MMS22L: variants seen among roughly 807,000 people sequenced by gnomAD.
MMS22L encodes protein MMS22-like.
MMS22L carries 74 observed loss-of-function variants against 159.1 expected under a neutral mutation model. The observed-to-expected ratio is 0.47, with a 90% CI of 0.39 to 0.56. MMS22L has a LOEUF of 0.56. Ranked by LOEUF, MMS22L falls within the 20% of genes least tolerant of loss-of-function variation. MMS22L has a pLI of 0.00. For missense variants in MMS22L, 1,351 were observed against 1,422.1 expected, an observed-to-expected ratio of 0.95 and a Z score of 0.80; for synonymous variants, 517 against 506.9, an observed-to-expected ratio of 1.02 and a Z score of -0.27.
rs528146023 is a variant in MMS22L at position 97,147,178 on chromosome 6, G to A, written c.3651-291C>T. 7.3e-4 allele frequency among the ~76,000 whole-genome samples: 111 copies of A among 152,202 alleles called. 1 individual carries two copies. The highest frequency in any genetic ancestry group is 2.6e-3 in the African/African-American group (106 of 41,550). Reference sequence around the variant, plus strand: ...TTATAATGCTCACGGGTAATAAAATGCATTCATGGAATATTATTTAAGGAC... The same window carrying A: ...TTATAATGCTCACGGGTAATAAAATACATTCATGGAATATTATTTAAGGAC... On this transcript the variant is annotated intron_variant, in intron 24 of 24. Coordinates refer to ENST00000683635, the MANE Select transcript of MMS22L (RefSeq NM_001350599.2).
chr6:97,242,029 A>G (rs966219059), intron 11 of MMS22L, among the ~76,000 whole-genome samples: 1 of 152,162 alleles, frequency 6.6e-6, no homozygotes, highest in Non-Finnish European at 1.5e-5. Context: ...CATATGGTCT[A>G]TCTTGGAGAA....
At chr6:97,165,548 A>T (rs1201077512) in intron 20 of MMS22L, 91 bp from the exon 21 acceptor site, 3 of 1,000,804 alleles carry the variant, frequency 3.0e-6, no homozygotes, top group Non-Finnish European at 4.4e-6. Flanking sequence ...CCCAGCATTA[A>T]TAATCATGTG....
chr6:97,193,472 T>C (rs779845377), intron 14 of MMS22L, among the ~76,000 whole-genome samples: 1 of 152,234 alleles, frequency 6.6e-6, no homozygotes, highest in Admixed American at 6.5e-5. Flanking sequence ...TAGTCTTGAC[T>C]TTGTAGATGA....
intron 12 of MMS22L, among the ~76,000 whole-genome samples, chr6:97,232,772 CTCCATTATCCACAAA>C (rs1811002709): frequency 6.6e-6 from 1 of 152,052 alleles, no homozygotes. Context: ...TTTTAATAAG[CTCCATTATCCACAAA>C]TCCAAACATT....
rs1212588910 is a variant in MMS22L at position 97,228,928 on chromosome 6, A to G, written c.2005T>C (p.Leu669=). Residue 669 remains leucine (L), a synonymous_variant, in exon 14 of 25, where the codon TTG becomes CTG. Coordinates refer to ENST00000683635, the MANE Select transcript of MMS22L (RefSeq NM_001350599.2). Reference sequence around the variant, plus strand: ...GCCAGAACAGCTTGTAGGAAGCTCAATACTGTCCTAAGTTCAGATTCTCGA... The same window carrying G: ...GCCAGAACAGCTTGTAGGAAGCTCAGTACTGTCCTAAGTTCAGATTCTCGA... ...ACRESELRTV[L]SFLQAVLARI... The G allele has an allele frequency of 1.9e-6, 3 of 1,614,104 alleles. No homozygotes were observed. Among genetic ancestry groups the G allele is most frequent in the Admixed American group, 1.7e-5 (1 of 60,010 alleles).
rs570738343 is a variant in MMS22L at position 97,181,901 on chromosome 6, T to C, written c.2384+3A>G. On this transcript the variant is annotated splice_donor_region_variant and intron_variant, in intron 16 of 24. Transcript: ENST00000683635. ...TGTGTATGCCTGAAATAAAAGCACG[T>C]ACCTATTTTGTAGGACATGACTTAA... 3 of 1,611,078 alleles carry C rather than the reference T, an allele frequency of 1.9e-6. No individual in the cohort carries two copies. Among genetic ancestry groups the C allele is most frequent in the East Asian group, 2.2e-5 (1 of 44,832 alleles).
At chr6:97,212,117 TTA>T (rs1488318925) in intron 14 of MMS22L, among the ~76,000 whole-genome samples, 1 of 152,182 alleles carries the variant, frequency 6.6e-6, no homozygotes, top group Non-Finnish European at 1.5e-5. Context: ...ATTTATTTGT[TTA>T]TATGTCTACC....
intron 14 of MMS22L, among the ~76,000 whole-genome samples, chr6:97,222,436 C>T (rs1365481475): frequency 1.3e-5 from 2 of 152,030 alleles, no homozygotes; most frequent in Non-Finnish European, 2.9e-5. Flanking sequence ...TGAACTATTT[C>T]TTAGTCTCAG....
chr6:97,264,451 T>C (rs1814856329), intron 8 of MMS22L: 1 of 152,016 alleles, frequency 6.6e-6, no homozygotes, highest in African/African-American at 2.4e-5. Flanking sequence ...GCTTCTTAAA[T>C]TAATAATGTA....
At chr6:97,191,451 A>AATTAAAAAAATCTTTATT (rs1450285231) in intron 14 of MMS22L, among the ~76,000 whole-genome samples, 1 of 152,128 alleles carries the variant, frequency 6.6e-6, no homozygotes, top group Admixed American at 6.5e-5. Context: ...CTCAAAGTTT[A>AATTAAAAAAATCTTTATT]AGGAAAATTA....
intron 14 of MMS22L, among the ~76,000 whole-genome samples, chr6:97,202,463 G>A (rs1562453693): frequency 1.3e-5 from 2 of 152,160 alleles, no homozygotes; most frequent in Admixed American, 6.5e-5. Flanking sequence ...TTATGGGAGG[G>A]ATCCTATGCA....
intron 15 of MMS22L, among the ~76,000 whole-genome samples, chr6:97,185,494 G>T (rs1805131030): frequency 6.6e-6 from 1 of 152,046 alleles, no homozygotes; most frequent in African/African-American, 2.4e-5. Context: ...CTGGCAGTTG[G>T]GATGATGCAT....
At chr6:97,201,178 G>A (rs551057299) in intron 14 of MMS22L, among the ~76,000 whole-genome samples, 3 of 152,144 alleles carry the variant, frequency 2.0e-5, no homozygotes, top group Non-Finnish European at 4.4e-5. Flanking sequence ...TGTGAAAGGT[G>A]GACACAGCCT....
At chr6:97,201,398 G>A (rs1332971281) in intron 14 of MMS22L, among the ~76,000 whole-genome samples, 2 of 152,138 alleles carry the variant, frequency 1.3e-5, no homozygotes, top group African/African-American at 2.4e-5. Context: ...TGGTAATATA[G>A]ACAGTGGAGC....
chr6:97,240,502 T>TC (rs1367423570), intron 11 of MMS22L, among the ~76,000 whole-genome samples: 1 of 152,184 alleles, frequency 6.6e-6, no homozygotes, highest in African/African-American at 2.4e-5. Context: ...CCTACTTTTT[T>TC]CCCCACAACC....
At chr6:97,182,896 TCTCA>T (rs1458981590) in intron 15 of MMS22L, among the ~76,000 whole-genome samples, 2 of 152,140 alleles carry the variant, frequency 1.3e-5, no homozygotes, top group Admixed American at 6.5e-5. Flanking sequence ...CACCTCCTCC[TCTCA>T]TTCTTTGTAG....
chr6:97,230,332 T>G (rs1172378058), intron 13 of MMS22L: 1 of 150,782 alleles, frequency 6.6e-6, no homozygotes, highest in East Asian at 2.0e-4. Flanking sequence ...CTCAAACTCC[T>G]GATCTCAAGT....
At chr6:97,276,017 A>C (rs144659672) in intron 4 of MMS22L, among the ~76,000 whole-genome samples, 1 of 152,266 alleles carries the variant, frequency 6.6e-6, no homozygotes, top group East Asian at 1.9e-4. Context: ...ACAGAGACAA[A>C]GAGACGGAAA....
rs189983126 is a variant in MMS22L, at chr6:97,216,962, C to A, written c.2039+11932G>T. ...CACTTTCAAAGGAATGAAATGCTTT[C>A]TTTACAGAGTATATTTATTTTTTCC... On this transcript the variant is annotated intron_variant, in intron 14 of 24. Transcript: ENST00000683635. Among the ~76,000 whole-genome samples, 163 of 152,274 alleles carry A rather than the reference C, an allele frequency of 1.1e-3. 1 individual carries two copies. Among genetic ancestry groups the A allele is most frequent in the Non-Finnish European group, 5.6e-4 (38 of 67,998 alleles).
Sources: gnomAD v4.1 joint callset for allele counts (sites outside exome capture counted in the v4.1 genomes callset) on GRCh38, gnomAD v4.1.1 for gene constraint, MANE v1.5 for transcripts, NCBI Gene and HGNC (gene_info 2026-07-23, HGNC 2026-07-21) for gene names.